Variants in ATP10A observed in about 807,000 individuals in gnomAD.
ATP10A encodes phospholipid-transporting ATPase VA.
In ATP10A, 111 loss-of-function variants were observed where a neutral mutation model predicts 147.8. That is an observed-to-expected ratio of 0.75 (90% CI 0.64 to 0.88). The LOEUF (loss-of-function observed/expected upper bound fraction) is 0.88, where lower values mean the gene tolerates loss of function less well. ATP10A is among the 40% of genes least tolerant of loss of function. The probability of loss-of-function intolerance (pLI) is 0.00; values close to 1 mark genes in which losing one functional copy is unlikely to be tolerated. For synonymous variants in ATP10A, 875 were observed against 841.6 expected (o/e 1.04, Z -0.69); for missense variants, 1,927 against 1,959.0 (o/e 0.98, Z 0.31).
At chr15:25,799,283 AC>A (rs1194665670) in intron 1 of ATP10A, among the ~76,000 whole-genome samples, 2 of 149,584 alleles carry the variant, frequency 1.3e-5, no homozygotes, top group Non-Finnish European at 3.0e-5. Context: ...CCTCATAAAA[AC>A]CCCCGTTATG....
intron 2 of ATP10A, among the ~76,000 whole-genome samples, chr15:25,755,393 C>T (rs1488584688): frequency 6.6e-6 from 1 of 152,162 alleles, no homozygotes; most frequent in Non-Finnish European, 1.5e-5. Flanking sequence ...CCTGACTAGT[C>T]TCAGTGGACT....
At chr15:25,748,786 G>T (rs1887980198) in intron 2 of ATP10A, among the ~76,000 whole-genome samples, 2 of 152,002 alleles carry the variant, frequency 1.3e-5, no homozygotes, top group African/African-American at 4.8e-5. Flanking sequence ...CAGGCACAGT[G>T]GCTCATGCCT....
At chr15:25,675,171 G>C (rs567401846), downstream of ATP10A, among the ~76,000 whole-genome samples, 202 of 152,308 alleles carry the variant, frequency 1.3e-3, no homozygotes, top group African/African-American at 4.7e-3. Context: ...GCCTGGCTCA[G>C]AAGGTGTTGG....
chr15:25,776,031 C>A (rs1341012299), intron 2 of ATP10A, among the ~76,000 whole-genome samples: 3 of 152,224 alleles, frequency 2.0e-5, no homozygotes, highest in Non-Finnish European at 4.4e-5. Flanking sequence ...CAGTTTTGAT[C>A]AATGCACCTC....
chr15:25,674,884 T>TG (rs1248104847), downstream of ATP10A, among the ~76,000 whole-genome samples: 1 of 152,236 alleles, frequency 6.6e-6, no homozygotes, highest in Non-Finnish European at 1.5e-5. Context: ...CAGTCTCACC[T>TG]GGGTTGCTGT....
Position 25,858,213 on chromosome 15 carries a change from C to T in ATP10A, c.449+4435G>A, listed in dbSNP as rs191266173. Among the ~76,000 whole-genome samples the T allele has an allele frequency of 2.6e-5, 4 of 152,314 alleles. No homozygotes were observed. In the East Asian group the frequency reaches 7.7e-4, roughly 29 times the overall value. On this transcript the variant is annotated intron_variant, in intron 1 of 20. Transcript: ENST00000555815. ...GTCAACCCTGCTTAAGAAGAACTGG[C>T]GTGGTCCCTGCGCATTCTTAACTCC...
intron 2 of ATP10A, among the ~76,000 whole-genome samples, chr15:25,751,141 T>C (rs2140552881): frequency 6.6e-6 from 1 of 152,252 alleles, no homozygotes; most frequent in Non-Finnish European, 1.5e-5. Context: ...GGTTATGCTG[T>C]AACTAGTCAA....
At chr15:25,779,454 C>T (rs1385923850) in intron 2 of ATP10A, among the ~76,000 whole-genome samples, 1 of 152,170 alleles carries the variant, frequency 6.6e-6, no homozygotes, top group Non-Finnish European at 1.5e-5. Flanking sequence ...GGGATGCTGT[C>T]CCTGGCTGAT....
intron 16 of ATP10A, among the ~76,000 whole-genome samples, chr15:25,685,960 C>A (rs1345184221): frequency 3.3e-5 from 5 of 152,142 alleles, no homozygotes; most frequent in Admixed American, 3.3e-4. Context: ...AGCTGAGAAC[C>A]TTTAGGCTTA....
At chr15:25,681,370 G>C (rs1479164177) in intron 17 of ATP10A, among the ~76,000 whole-genome samples, 1 of 152,190 alleles carries the variant, frequency 6.6e-6, no homozygotes, top group Non-Finnish European at 1.5e-5. Flanking sequence ...GTCAAGGAAA[G>C]AGCATCTCAA....
intron 1 of ATP10A, among the ~76,000 whole-genome samples, chr15:25,792,584 C>T (rs1287382842): frequency 6.6e-6 from 1 of 152,230 alleles, no homozygotes; most frequent in African/African-American, 2.4e-5. Flanking sequence ...AGATGGCCTA[C>T]TGCAGCCTCT....
chr15:25,859,463 G>T (rs1309999411), intron 1 of ATP10A, among the ~76,000 whole-genome samples: 1 of 152,038 alleles, frequency 6.6e-6, no homozygotes, highest in Non-Finnish European at 1.5e-5. Context: ...AGCCAGCACC[G>T]AGGTCCATAT....
At chr15:25,739,704 C>T (rs541736110) in intron 2 of ATP10A, among the ~76,000 whole-genome samples, 75 of 152,322 alleles carry the variant, frequency 4.9e-4, no homozygotes, top group African/African-American at 1.7e-3. Flanking sequence ...AAGCAGACAC[C>T]GTGAAGGGTT....
intron 3 of ATP10A, among the ~76,000 whole-genome samples, chr15:25,732,929 C>T (rs1887030030): frequency 6.6e-6 from 1 of 152,086 alleles, no homozygotes; most frequent in African/African-American, 2.4e-5. Flanking sequence ...GTGAGGTTGA[C>T]AGGCAGTCGA....
chr15:25,795,243 C>A (rs118110734), intron 1 of ATP10A, among the ~76,000 whole-genome samples: 3,718 of 152,234 alleles, frequency 0.024, 66 homozygotes, highest in South Asian at 0.046. Flanking sequence ...CTCAGCCACA[C>A]AGCCCACAGC....
At chr15:25,719,953 C>T in intron 7 of ATP10A, among the ~76,000 whole-genome samples, 1 of 152,226 alleles carries the variant, frequency 6.6e-6, no homozygotes, top group African/African-American at 2.4e-5. Flanking sequence ...TGCCTGGGTG[C>T]CTGTCAATAG....
chr15:25,747,582 AG>A (rs1289223692), intron 2 of ATP10A, among the ~76,000 whole-genome samples: 1 of 152,170 alleles, frequency 6.6e-6, no homozygotes, highest in African/African-American at 2.4e-5. Context: ...ATACATCAAC[AG>A]GTTAAAAGTG....
At chr15:25,673,249 C>G (rs750144476), downstream of ATP10A, among the ~76,000 whole-genome samples, 2 of 152,154 alleles carry the variant, frequency 1.3e-5, no homozygotes, top group Non-Finnish European at 2.9e-5. Context: ...CTGGACTCCC[C>G]CTATGCGCTG....
At chr15:25,850,031 A>G (rs762309549) in intron 1 of ATP10A, among the ~76,000 whole-genome samples, 1 of 152,228 alleles carries the variant, frequency 6.6e-6, no homozygotes, top group Non-Finnish European at 1.5e-5. Context: ...ATTATGAGGG[A>G]CAAGACATAC....
Sources: gnomAD v4.1 joint callset for allele counts (sites outside exome capture counted in the v4.1 genomes callset) on GRCh38, gnomAD v4.1.1 for gene constraint, MANE v1.5 for transcripts, NCBI Gene and HGNC (gene_info 2026-07-23, HGNC 2026-07-21) for gene names.